The following SIM1 variants were observed in gnomAD, a reference collection of about 807,000 sequenced individuals.
SIM1 encodes SIM bHLH transcription factor 1.
SIM1 carries 18 observed loss-of-function variants against 78.2 expected under a neutral mutation model. The ratio of observed to expected loss-of-function variants is 0.23; its 90% CI spans 0.16 to 0.34. SIM1 has a LOEUF of 0.34. SIM1 is among the 10% of genes least tolerant of loss of function. SIM1 has a pLI of 1.00. For missense variants in SIM1, 939 were observed against 975.1 expected, an observed-to-expected ratio of 0.96 and a Z score of 0.49; for synonymous variants, 417 against 385.2, an observed-to-expected ratio of 1.08 and a Z score of -0.97.
At chr6:100,433,355 A>G (rs1771950905) in intron 9 of SIM1, among the ~76,000 whole-genome samples, 1 of 152,090 alleles carries the variant, frequency 6.6e-6, no homozygotes, top group African/African-American at 2.4e-5. Flanking sequence ...CATGCCAAGC[A>G]GGTTTCCACC....
In SIM1 at chr6:100,460,424, G is replaced by A. The variant is rs868090978; in HGVS notation, c.175+2870C>T. Among the ~76,000 whole-genome samples the A allele has an allele frequency of 4.6e-5, 7 of 152,292 alleles. No homozygotes were observed. The South Asian group carries it at 8.3e-4, about 18-fold the overall frequency. ...GAAATAGTGTATGAACAAAACTGAA[G>A]TTTTACAGCATTTTTATACCTATAG... On this transcript the variant is annotated intron_variant, in intron 2 of 11. Coordinates refer to ENST00000369208, the MANE Select transcript of SIM1 (RefSeq NM_005068.3).
At chr6:100,426,718 T>C (rs556744565) in intron 9 of SIM1, among the ~76,000 whole-genome samples, 1 of 152,362 alleles carries the variant, frequency 6.6e-6, no homozygotes, top group South Asian at 2.1e-4. Flanking sequence ...TTCTTGTTGA[T>C]TCAAGATTAT....
chr6:100,448,733 A>C, intron 6 of SIM1, 55 bp from the exon 7 acceptor site: 3 of 1,487,756 alleles, frequency 2.0e-6, no homozygotes, highest in Non-Finnish European at 2.8e-6. Context: ...GAGCCCCCAA[A>C]AGGTGGAGAA....
chr6:100,405,779 AT>A (rs1244945364), intron 10 of SIM1, among the ~76,000 whole-genome samples: 2 of 152,076 alleles, frequency 1.3e-5, no homozygotes, highest in Non-Finnish European at 2.9e-5. Context: ...TGGTTCACTC[AT>A]TTTTCTCACA....
intron 10 of SIM1, among the ~76,000 whole-genome samples, chr6:100,405,296 T>G (rs1005653866): frequency 6.6e-6 from 1 of 152,056 alleles, no homozygotes; most frequent in African/African-American, 2.4e-5. Flanking sequence ...TTGAGTCACA[T>G]TCCAGAGTTG....
chr6:100,399,010 TC>T (rs1770841581), intron 10 of SIM1, among the ~76,000 whole-genome samples: 1 of 151,952 alleles, frequency 6.6e-6, no homozygotes, highest in South Asian at 2.1e-4. Context: ...GAGAGGTGTC[TC>T]ATTGCAGTTT....
intron 10 of SIM1, among the ~76,000 whole-genome samples, chr6:100,402,171 G>A (rs1562235072): frequency 6.6e-6 from 1 of 152,238 alleles, no homozygotes; most frequent in East Asian, 1.9e-4. Context: ...TTTCACTTAG[G>A]TAAACAGAAA....
At position 100,390,178 on chromosome 6, in the gene SIM1, T is replaced by A. The variant is rs145341368; in HGVS notation, c.*183A>T. 5.3e-4 allele frequency: 337 copies of A among 634,852 alleles called. 3 individuals are homozygous for A. The East Asian group carries it at 7.0e-3, about 13-fold the overall frequency. 39.3% of individuals were successfully genotyped at this position (634,852 alleles called of 1,614,324 possible). A position where few individuals can be genotyped will look rare whatever the true frequency, so the allele number is the denominator to read the frequency against. On this transcript the variant is annotated 3_prime_UTR_variant, in exon 12 of 12. Transcript: ENST00000369208. ...TTGTGTATTCAATTTAGCTCCCTTT[T>A]CTGTGTATAACCCTGAATGCTAGTG...
intron 8 of SIM1, among the ~76,000 whole-genome samples, chr6:100,447,662 G>A (rs1562254492): frequency 6.6e-6 from 1 of 152,218 alleles, no homozygotes; most frequent in African/African-American, 2.4e-5. Flanking sequence ...ATTAGCAAAG[G>A]GAGGAACACT....
chr6:100,417,648 G>A (rs745767798), intron 10 of SIM1, among the ~76,000 whole-genome samples: 6 of 152,114 alleles, frequency 3.9e-5, no homozygotes, highest in African/African-American at 1.4e-4. Flanking sequence ...CAACAGAAAC[G>A]GTGATGAGTT....
In SIM1 at chr6:100,390,083, C is replaced by G; in HGVS notation, c.*278G>C. 2 of 504,396 alleles carry G rather than the reference C, an allele frequency of 4.0e-6. No homozygotes were observed. Among genetic ancestry groups the G allele is most frequent in the Non-Finnish European group, 7.0e-6 (2 of 285,986 alleles). 31.2% of individuals were successfully genotyped at this position (504,396 alleles called of 1,614,324 possible). ...TCCTCTCATGTAGTATATATGCACACTTGATCTACATGAATATTTTTCAAG... is the reference window on the plus strand; with the variant it reads ...TCCTCTCATGTAGTATATATGCACAGTTGATCTACATGAATATTTTTCAAG... On this transcript the variant is annotated 3_prime_UTR_variant, in exon 12 of 12. Transcript: ENST00000369208.
At position 100,390,190 on chromosome 6, in the gene SIM1, C is replaced by A. The variant is rs1770600836; in HGVS notation, c.*171G>T. 5.7e-6 allele frequency: 4 copies of A among 695,772 alleles called. No homozygotes were observed. Among genetic ancestry groups the A allele is most frequent in the Non-Finnish European group, 9.3e-6 (4 of 428,702 alleles). The allele number at this position is 695,772 out of a possible 1,614,324, so 43.1% of individuals were successfully genotyped here. On this transcript the variant is annotated 3_prime_UTR_variant, in exon 12 of 12. Transcript: ENST00000369208. Reference sequence around the variant, plus strand: ...TTTAGCTCCCTTTTCTGTGTATAACCCTGAATGCTAGTGCTATGTTTTCTT... The same window carrying A: ...TTTAGCTCCCTTTTCTGTGTATAACACTGAATGCTAGTGCTATGTTTTCTT...
chr6:100,402,097 C>T (rs988030298), intron 10 of SIM1, among the ~76,000 whole-genome samples: 2 of 152,092 alleles, frequency 1.3e-5, no homozygotes, highest in Non-Finnish European at 2.9e-5. Context: ...ATATGTATAA[C>T]AGCACTAAAA....
chr6:100,415,326 T>C (rs930532518), intron 10 of SIM1, among the ~76,000 whole-genome samples: 4 of 152,154 alleles, frequency 2.6e-5, no homozygotes, highest in African/African-American at 9.7e-5. Context: ...TGAAATAAAT[T>C]CTATAAACTC....
chr6:100,412,637 A>AAAGAAAAG lies in SIM1; in HGVS notation c.1167+8152_1167+8153insCTTTTCTT, dbSNP rs1245667524. Among the ~76,000 whole-genome samples the AAAGAAAAG allele has an allele frequency of 2.9e-3, 263 of 91,692 alleles. 22 individuals are homozygous for AAAGAAAAG. Among genetic ancestry groups the AAAGAAAAG allele is most frequent in the Middle Eastern group, 0.026 (5 of 190 alleles). 60.2% of individuals were successfully genotyped at this position (91,692 alleles called of 152,430 possible). On this transcript the variant is annotated intron_variant, in intron 10 of 11. Coordinates refer to ENST00000369208, the MANE Select transcript of SIM1 (RefSeq NM_005068.3). ...GAAAGAAAGAAGGAAAGAAAGAAAGAAAAGAAAGAAAGAAAGAAAGAGAGA... is the reference window on the plus strand; with the variant it reads ...GAAAGAAAGAAGGAAAGAAAGAAAGAAAGAAAAGAAAGAAAGAAAGAAAGAAAGAGAGA...
At chr6:100,429,702 C>G (rs1321781207) in intron 9 of SIM1, among the ~76,000 whole-genome samples, 2 of 152,014 alleles carry the variant, frequency 1.3e-5, no homozygotes, top group Non-Finnish European at 2.9e-5. Context: ...AATTTTTTCT[C>G]TAGTATGTGT....
chr6:100,425,920 A>G (rs780129246), intron 9 of SIM1, among the ~76,000 whole-genome samples: 3 of 152,242 alleles, frequency 2.0e-5, no homozygotes, highest in South Asian at 2.1e-4. Context: ...GACTTCTCTG[A>G]TTTTTCTAAA....
At chr6:100,410,570 T>C (rs903970954) in intron 10 of SIM1, among the ~76,000 whole-genome samples, 6 of 152,166 alleles carry the variant, frequency 3.9e-5, no homozygotes, top group Non-Finnish European at 7.3e-5. Context: ...AGAAGCAAGT[T>C]ATCCTCAGGC....
chr6:100,452,960 T>G (rs1186386793), intron 3 of SIM1, among the ~76,000 whole-genome samples: 1 of 152,190 alleles, frequency 6.6e-6, no homozygotes, highest in Non-Finnish European at 1.5e-5. Context: ...ATTCCCCAAA[T>G]GCTGCTTAGG....
Sources: allele counts gnomAD v4.1 joint callset (sites outside exome capture counted in the v4.1 genomes callset), GRCh38; gene constraint gnomAD v4.1.1; transcripts MANE v1.5; gene names NCBI Gene and HGNC (gene_info 2026-07-23, HGNC 2026-07-21).